The following SPDYE21 variants were observed in gnomAD, a reference collection of about 807,000 sequenced individuals.
The protein encoded by SPDYE21 is speedy protein E21.
A neutral mutation model predicts 36.2 loss-of-function variants in SPDYE21; 14 were observed. The observed-to-expected ratio is 0.39, with a 90% CI of 0.26 to 0.61. The LOEUF (loss-of-function observed/expected upper bound fraction) is 0.61, where lower values mean the gene tolerates loss of function less well. Among genes scored for constraint, SPDYE21 ranks in the 20% least tolerant of loss-of-function variants. The probability of loss-of-function intolerance (pLI) is 0.55; values close to 1 mark genes in which losing one functional copy is unlikely to be tolerated. For synonymous variants in SPDYE21, 58 were observed against 155.1 expected (o/e 0.37, Z 4.65); for missense variants, 233 against 424.6 (o/e 0.55, Z 3.97).
intron 6 of SPDYE21, among the ~76,000 whole-genome samples, chr7:67,284,969 G>A (rs538286635): frequency 6.6e-6 from 1 of 151,268 alleles, no homozygotes; most frequent in African/African-American, 2.4e-5. Flanking sequence ...CCCTCCACTC[G>A]ACTTTGTGTT....
At position 67,286,291 on chromosome 7, in the gene SPDYE21, C is replaced by T. The variant is rs143917969; in HGVS notation, c.1003C>T (p.Arg335Cys). ...GTACCGCTCTCGCATACCCTTGGTC[C>T]GTAAGCGTCGGTTCCAGTTACGCCG... The part of the protein sequence containing the change: ...RKYRSRIPLV[R>C]KRRFQLRRCM... Residue 335 changes from arginine (R) to cysteine (C), a missense_variant, in exon 7 of 9, where the codon CGT (arginine) becomes TGT (cysteine). Arg to Cys is a radical substitution (Grantham distance 180). Around this residue, in one of 4 missense-constraint regions of SPDYE21, gnomAD observed 139 missense variants for 175.8 expected, o/e 0.79. Transcript: ENST00000424157. The T allele has an allele frequency of 0.11, 177,664 of 1,613,532 alleles. 10,684 individuals are homozygous for T. The highest frequency in any genetic ancestry group is 0.17 in the Middle Eastern group (1,022 of 5,894).
rs1265357646 is a variant in SPDYE21, at chr7:67,288,233, C to T, written c.*761C>T. ...GCACTCTTTTTATCTATGATACTTC[C>T]ATAATAATCTCTTCTATTTATAGCT... On this transcript the variant is annotated 3_prime_UTR_variant, in exon 9 of 9. Coordinates refer to ENST00000424157, the MANE Select transcript of SPDYE21 (RefSeq NM_001382715.2). Among the ~76,000 whole-genome samples, 13 of 149,534 alleles carry T rather than the reference C, an allele frequency of 8.7e-5. No individual in the cohort carries two copies. Among genetic ancestry groups the T allele is most frequent in the African/African-American group, 3.2e-4 (13 of 41,062 alleles).
chr7:67,281,080 GCAA>G lies in SPDYE21; in HGVS notation c.380-275_380-273del, dbSNP rs1427421701. Reference sequence around the variant, plus strand: ...CTAGGCCACAAAGCAAGACTGTTTCGCAACAACAACAACAACAACAAAAAAAAA... The same window carrying G: ...CTAGGCCACAAAGCAAGACTGTTTCGCAACAACAACAACAACAAAAAAAAA... On this transcript the variant is annotated intron_variant, in intron 3 of 8. Transcript: ENST00000424157. 6.8e-3 allele frequency among the ~76,000 whole-genome samples: 436 copies of G among 64,500 alleles called. 54 individuals carry two copies. The highest frequency in any genetic ancestry group is 0.016 in the East Asian group (24 of 1,500). The allele number at this position is 64,500 out of a possible 152,430, so 42.3% of individuals were successfully genotyped here.
rs1330771028 is a variant in SPDYE21 at position 67,286,603 on chromosome 7, G to A, written c.1193G>A (p.Arg398His). 6.6e-6 allele frequency among the ~76,000 whole-genome samples: 1 copy of A among 151,982 alleles called. No individual in the cohort carries two copies. Among genetic ancestry groups the A allele is most frequent in the Non-Finnish European group, 1.5e-5 (1 of 68,006 alleles). ...DPEHWVWARD[R>H]AHLS The stretch of plus-strand genomic sequence containing the variant: ...GAGCACTGGGTGTGGGCACGAGATC[G>A]CGCTCACCTTTCCTAGAGCTCCAGG... Residue 398 changes from arginine to histidine, a missense_variant, in exon 8 of 9, where the codon CGC becomes CAC. This residue lies in a region of SPDYE21 where 139 missense variants were observed against 175.8 expected (regional missense o/e 0.79). Coordinates refer to ENST00000424157, the MANE Select transcript of SPDYE21 (RefSeq NM_001382715.2).
rs2116519192 is a variant in SPDYE21, at chr7:67,288,931, C to T, written c.*1459C>T. ...AAGGAGGACATGAGCTGTGTGTTTTCAAGAGAACAATAGAGTGCGTCTCTT... is the reference window on the plus strand; with the variant it reads ...AAGGAGGACATGAGCTGTGTGTTTTTAAGAGAACAATAGAGTGCGTCTCTT... On this transcript the variant is annotated 3_prime_UTR_variant, in exon 9 of 9. Coordinates refer to ENST00000424157, the MANE Select transcript of SPDYE21 (RefSeq NM_001382715.2). 6.7e-6 allele frequency among the ~76,000 whole-genome samples: 1 copy of T among 149,034 alleles called. No homozygotes were observed. Among genetic ancestry groups the T allele is most frequent in the African/African-American group, 2.5e-5 (1 of 40,310 alleles).
Position 67,282,594 on chromosome 7 carries a change from C to G in SPDYE21, c.611-41C>G, listed in dbSNP as rs1802658795. ...CTGCCCTGCTGCTCCCACGGAAACC[C>G]TGTCCTGCTTCTCACACTGACATCT... On this transcript the variant is annotated intron_variant, in intron 4 of 8. Transcript: ENST00000424157. 2.5e-6 allele frequency: 4 copies of G among 1,594,172 alleles called. No individual in the cohort carries two copies. The African/African-American group carries it at 4.0e-5, about 16-fold the overall frequency.
At chr7:67,285,476 T>C (rs202100928) in intron 6 of SPDYE21, among the ~76,000 whole-genome samples, 97,370 of 150,260 alleles carry the variant, frequency 0.65, 31,769 homozygotes, top group East Asian at 0.85. Context: ...CTGCAGCCTC[T>C]GCCTCCTGGG....
At chr7:67,286,891 G>C (rs1366466746) in intron 8 of SPDYE21, among the ~76,000 whole-genome samples, 1 of 152,198 alleles carries the variant, frequency 6.6e-6, no homozygotes, top group African/African-American at 2.4e-5. Flanking sequence ...GCTGCACGGA[G>C]CCCTGATCCT....
rs1383848918 is a variant in SPDYE21 at position 67,281,464 on chromosome 7, A to T, written c.470A>T (p.Glu157Val). ...WWDESEESLE[E>V]EPRKVLAPEP... ...GACGAATCTGAGGAGTCGTTGGAGG[A>T]GGAGCCACGGAAGGTGCTCGCCCCT... Residue 157 changes from glutamate (E) to valine (V), a missense_variant, in exon 4 of 9, where the codon GAG becomes GTG. Glu to Val is a moderately radical substitution (Grantham distance 121, BLOSUM62 -2). Coordinates refer to ENST00000424157, the MANE Select transcript of SPDYE21 (RefSeq NM_001382715.2). 6.3e-7 allele frequency: 1 copy of T among 1,589,022 alleles called. No individual in the cohort carries two copies. Among genetic ancestry groups the T allele is most frequent in the South Asian group, 1.1e-5 (1 of 90,054 alleles).
chr7:67,283,457 T>G (rs911888572), intron 5 of SPDYE21, among the ~76,000 whole-genome samples: 1 of 152,112 alleles, frequency 6.6e-6, no homozygotes, highest in Non-Finnish European at 1.5e-5. Context: ...TTATGATTTG[T>G]CAGCATCTCC....
intron 8 of SPDYE21, among the ~76,000 whole-genome samples, chr7:67,287,151 A>C (rs1454871186): frequency 6.6e-6 from 1 of 152,190 alleles, no homozygotes; most frequent in African/African-American, 2.4e-5. Context: ...TCACATTAGA[A>C]ACACATCTAG....
In SPDYE21 at chr7:67,286,545, C is replaced by T. The variant is rs764789754; in HGVS notation, c.1150-15C>T. On this transcript the variant is annotated splice_polypyrimidine_tract_variant and intron_variant, in intron 7 of 8. Coordinates refer to ENST00000424157, the MANE Select transcript of SPDYE21 (RefSeq NM_001382715.2). ...GGCGAGTCCCCGTCTTCTCAAAGGG[C>T]GTTTGTTTTTCCAGATCCAGGCTTA... Among the ~76,000 whole-genome samples, 13 of 151,752 alleles carry T rather than the reference C, an allele frequency of 8.6e-5. No individual in the cohort carries two copies. The highest frequency in any genetic ancestry group is 8.8e-5 in the Non-Finnish European group (6 of 67,956).
chr7:67,276,978 C>A lies in SPDYE21; in HGVS notation c.-507C>A, dbSNP rs924339868. The stretch of plus-strand genomic sequence containing the variant: ...TCCACAGCAATGGGATCGGCTTCCT[C>A]TTTCAGTGTGTGCCTTTTCTATGAG... On this transcript the variant is annotated 5_prime_UTR_variant, in exon 1 of 9. Transcript: ENST00000424157. Among the ~76,000 whole-genome samples, 8 of 152,218 alleles carry A rather than the reference C, an allele frequency of 5.3e-5. No homozygotes were observed. The highest frequency in any genetic ancestry group is 5.2e-4 in the Admixed American group (8 of 15,276).
intron 6 of SPDYE21, among the ~76,000 whole-genome samples, chr7:67,285,381 A>AGTTTGTTT (rs370179177): frequency 6.8e-6 from 1 of 146,900 alleles, no homozygotes; most frequent in African/African-American, 2.5e-5. Flanking sequence ...ACACCTGGAC[A>AGTTTGTTT]GTTTGTTTGT....
intron 2 of SPDYE21, among the ~76,000 whole-genome samples, chr7:67,279,220 C>T (rs113024707): frequency 3.4e-5 from 5 of 146,042 alleles, no homozygotes; most frequent in South Asian, 2.2e-4. Flanking sequence ...GAAGGGTCAG[C>T]GGTCAGGAAG....
rs1259629447 is a variant in SPDYE21, at chr7:67,282,639, T to G, written c.615T>G (p.Asp205Glu). 1.2e-5 allele frequency: 18 copies of G among 1,559,524 alleles called. No individual in the cohort carries two copies. The Admixed American group carries it at 2.4e-4, about 21-fold the overall frequency. The change falls in exon 5 of 9, where the codon GAT becomes GAG. Residue 205 changes from aspartate (D) to glutamate (E), a missense_variant. Physicochemically the swap from Asp to Glu is conservative, Grantham distance 45. Around this residue, in one of 4 missense-constraint regions of SPDYE21, gnomAD observed 24 missense variants for 59.2 expected, o/e 0.41. Transcript: ENST00000424157. Reference protein sequence around the residue: ...HHEAFNRLLEDPVIKRFLAWD... With the variant: ...HHEAFNRLLEEPVIKRFLAWD... ...ACATCTGCTCTCTAATCACAGAGGA[T>G]CCTGTCATTAAAAGATTCCTGGCCT...
At chr7:67,285,913 G>A (rs540603632) in intron 6 of SPDYE21, 131 bp from the exon 7 acceptor site, 69 of 1,523,610 alleles carry the variant, frequency 4.5e-5, no homozygotes, top group African/African-American at 2.7e-4. Flanking sequence ...TGAGGAAGGC[G>A]TGGCTCTCTG....
chr7:67,286,348 T>G lies in SPDYE21; in HGVS notation c.1060T>G (p.Ser354Ala). 1 of 1,613,886 alleles carries G rather than the reference T, an allele frequency of 6.2e-7. No individual in the cohort carries two copies. The highest frequency in any genetic ancestry group is 8.5e-7 in the Non-Finnish European group (1 of 1,180,034). The change falls in exon 7 of 9, where the codon TCT becomes GCT. Residue 354 changes from serine to alanine, a missense_variant. Coordinates refer to ENST00000424157, the MANE Select transcript of SPDYE21 (RefSeq NM_001382715.2). ...GAACCCGAGGGCCAGGAAGAACCGCTCTCAGATAGTCCTGTTCCAGAAACT... is the reference window on the plus strand; with the variant it reads ...GAACCCGAGGGCCAGGAAGAACCGCGCTCAGATAGTCCTGTTCCAGAAACT... ...CMNPRARKNR[S>A]QIVLFQKLRF...
At position 67,286,322 on chromosome 7, in the gene SPDYE21, T is replaced by C; in HGVS notation, c.1034T>C (p.Met345Thr). Residue 345 changes from methionine (M) to threonine (T), a missense_variant, in exon 7 of 9, where the codon ATG (methionine) becomes ACG (threonine). Around this residue, in one of 4 missense-constraint regions of SPDYE21, gnomAD observed 139 missense variants for 175.8 expected, o/e 0.79. Transcript: ENST00000424157. ...RKRRFQLRRC[M>T]NPRARKNRSQ... ...CGTCGGTTCCAGTTACGCCGTTGCA[T>C]GAACCCGAGGGCCAGGAAGAACCGC... 1 of 1,613,730 alleles carries C rather than the reference T, an allele frequency of 6.2e-7. No homozygotes were observed.
Sources: allele counts gnomAD v4.1 joint callset (sites outside exome capture counted in the v4.1 genomes callset), GRCh38; gene constraint gnomAD v4.1.1; regional missense constraint gnomAD v4.1.1; transcripts MANE v1.5; gene names NCBI Gene and HGNC (gene_info 2026-07-23, HGNC 2026-07-21).